The following P2RX3 variants were observed in gnomAD, a reference collection of about 807,000 sequenced individuals.
P2RX3 encodes the protein P2X purinoceptor 3.
Under a neutral mutation model 51.5 loss-of-function variants are expected in P2RX3, and 41 were observed. The observed-to-expected ratio is 0.80, with a 90% CI of 0.62 to 1.03. The LOEUF (loss-of-function observed/expected upper bound fraction) is 1.03. Ranked by LOEUF, P2RX3 falls within the 50% of genes least tolerant of loss-of-function variation. P2RX3 has a pLI of 0.00. For missense variants in P2RX3, 459 were observed against 522.1 expected, an observed-to-expected ratio of 0.88 and a Z score of 1.18; for synonymous variants, 185 against 191.6, an observed-to-expected ratio of 0.97 and a Z score of 0.29.
intron 8 of P2RX3, among the ~76,000 whole-genome samples, chr11:57,364,188 C>T (rs189167914): frequency 3.9e-5 from 6 of 152,314 alleles, no homozygotes; most frequent in Admixed American, 3.9e-4. Flanking sequence ...CACCCCTGCC[C>T]ACTACCCATG....
In P2RX3 at chr11:57,351,949, A is replaced by G. The variant is rs540284428; in HGVS notation, c.842+1051A>G. 2.2e-4 allele frequency among the ~76,000 whole-genome samples: 34 copies of G among 152,332 alleles called. No individual in the cohort carries two copies. The South Asian group carries it at 6.2e-3, about 28-fold the overall frequency. The stretch of plus-strand genomic sequence containing the variant: ...TTTCCCCCAGTTTTTGAAGATCCTG[A>G]AGTTTCTGGCAGGGCCCTGTTTAAG... On this transcript the variant is annotated intron_variant, in intron 8 of 11. Coordinates refer to ENST00000263314, the MANE Select transcript of P2RX3 (RefSeq NM_002559.5).
intron 1 of P2RX3, among the ~76,000 whole-genome samples, chr11:57,345,395 A>C (rs1463943808): frequency 1.3e-5 from 2 of 152,288 alleles, no homozygotes; most frequent in African/African-American, 4.8e-5. Flanking sequence ...GGTTAACAAA[A>C]TGTAACAGAT....
intron 6 of P2RX3, 110 bp from the exon 7 acceptor site, chr11:57,349,647 G>C (rs1856506467): frequency 2.9e-6 from 4 of 1,369,526 alleles, no homozygotes; most frequent in Admixed American, 2.0e-5. Context: ...CCAGATGAAG[G>C]CTGAGGGCTC....
chr11:57,347,334 T>C, intron 3 of P2RX3, 81 bp from the exon 4 acceptor site: 2 of 1,508,274 alleles, frequency 1.3e-6, no homozygotes, highest in Non-Finnish European at 1.8e-6. Flanking sequence ...AGGCTGTTGG[T>C]TATGGGGAGG....
chr11:57,351,937 T>A (rs1347525684), intron 8 of P2RX3, among the ~76,000 whole-genome samples: 1 of 152,232 alleles, frequency 6.6e-6, no homozygotes, highest in African/African-American at 2.4e-5. Flanking sequence ...CCCCCAGTTT[T>A]TGAAGATCCT....
chr11:57,348,582 C>T (rs772681300), intron 5 of P2RX3, 45 bp from the exon 6 acceptor site: 2 of 1,518,912 alleles, frequency 1.3e-6, no homozygotes, highest in Admixed American at 1.7e-5. Flanking sequence ...CTTCATTTCC[C>T]CCTCTTCTTC....
rs74937945 is a variant in P2RX3 at position 57,339,360 on chromosome 11, G to A, written c.119+691G>A. On this transcript the variant is annotated intron_variant, in intron 1 of 11. Transcript: ENST00000263314. ...AAGGAGCTTTTCTGAACATAGTGCC[G>A]CTCCCTCCCCAGGAATCCAGAAATG... Among the ~76,000 whole-genome samples the A allele has an allele frequency of 1.1e-3, 162 of 152,150 alleles. 3 individuals are homozygous for A. In the East Asian group the frequency reaches 0.029, roughly 27 times the overall value.
In P2RX3 at chr11:57,348,234, G is replaced by A; in HGVS notation, c.456G>A (p.Trp152Ter). ...TCCGGACCTGTGAGATCCAGGGCTG[G>A]TGCCCCACGGAGGTGGACACAGTGG... ...SVLRTCEIQG[W>*]CPTEVDTVET... is the part of the protein sequence containing the mutation. The change falls in exon 5 of 12, where the codon TGG (tryptophan) becomes TGA (stop). Residue 152 changes from tryptophan to a stop codon, truncating the protein, a stop_gained. Transcript: ENST00000263314. LOFTEE classifies it high-confidence loss of function. The A allele has an allele frequency of 3.7e-6, 6 of 1,604,480 alleles. No individual in the cohort carries two copies. The highest frequency in any genetic ancestry group is 5.1e-6 in the Non-Finnish European group (6 of 1,175,934).
At chr11:57,355,334 C>CTTT (rs1201675322) in intron 8 of P2RX3, among the ~76,000 whole-genome samples, 96 of 117,286 alleles carry the variant, frequency 8.2e-4, no homozygotes, top group Non-Finnish European at 1.0e-3. Context: ...TATTTTATTT[C>CTTT]TTTTTTTTTT....
rs1856486419 is a variant in P2RX3 at position 57,348,627 on chromosome 11, G to C, written c.486G>C (p.Thr162=). 6.2e-7 allele frequency: 1 copy of C among 1,613,224 alleles called. No individual in the cohort carries two copies. Among genetic ancestry groups the C allele is most frequent in the Admixed American group, 1.7e-5 (1 of 59,984 alleles). Residue 162 remains threonine (T), a splice_region_variant and synonymous_variant, in exon 6 of 12, where the codon ACG becomes ACC. Transcript: ENST00000263314. The part of the protein sequence containing the change: ...WCPTEVDTVE[T]PIMMEAENFT... ...TAAGGCCTCCTGTGCTCACCCACAG[G>C]CCCATCATGATGGAAGCTGAGAACT...
At chr11:57,342,284 C>G (rs1185542468) in intron 1 of P2RX3, among the ~76,000 whole-genome samples, 11 of 151,678 alleles carry the variant, frequency 7.3e-5, no homozygotes. Context: ...CTCAGCCTCC[C>G]CGGTAGCTGG....
Position 57,349,844 on chromosome 11 carries a change from G to C in P2RX3, c.651G>C (p.Arg217=). Residue 217 remains arginine, a synonymous_variant, in exon 7 of 12, where the codon CGG becomes CGC. Coordinates refer to ENST00000263314, the MANE Select transcript of P2RX3 (RefSeq NM_002559.5). The part of the protein sequence containing the change: ...PDKDPFCPIL[R]VGDVVKFAGQ... ...AGGACCCTTTCTGCCCCATCTTGCGGGTAGGGGACGTGGTCAAGTTTGCGG... is the reference window on the plus strand; with the variant it reads ...AGGACCCTTTCTGCCCCATCTTGCGCGTAGGGGACGTGGTCAAGTTTGCGG... 1 of 1,614,250 alleles carries C rather than the reference G, an allele frequency of 6.2e-7. No homozygotes were observed.
At chr11:57,360,154 G>A (rs1354436157) in intron 8 of P2RX3, among the ~76,000 whole-genome samples, 1 of 152,224 alleles carries the variant, frequency 6.6e-6, no homozygotes, top group Non-Finnish European at 1.5e-5. Flanking sequence ...CTAGCCTAGT[G>A]CTTAGCAGGA....
chr11:57,351,420 CAAG>C (rs1231334925), intron 8 of P2RX3, among the ~76,000 whole-genome samples: 1 of 152,230 alleles, frequency 6.6e-6, no homozygotes, highest in Non-Finnish European at 1.5e-5. Flanking sequence ...CCTCTCCAAA[CAAG>C]AACTCAGACC....
intron 9 of P2RX3, 94 bp from the exon 10 acceptor site, chr11:57,368,278 C>A: frequency 4.2e-6 from 6 of 1,413,218 alleles, no homozygotes; most frequent in Non-Finnish European, 6.0e-6. Flanking sequence ...ATCTGCTGAT[C>A]CACCAAGAAC....
chr11:57,349,260 C>T (rs1341521789), intron 6 of P2RX3, among the ~76,000 whole-genome samples: 1 of 149,184 alleles, frequency 6.7e-6, no homozygotes, highest in Non-Finnish European at 1.5e-5. Flanking sequence ...CAGGAGTTTG[C>T]GACCAGCCTG....
chr11:57,346,837 G>A lies in P2RX3; in HGVS notation c.255+158G>A, dbSNP rs925743403. Among the ~76,000 whole-genome samples, 3 of 152,372 alleles carry A rather than the reference G, an allele frequency of 2.0e-5. No homozygotes were observed. The East Asian group carries it at 5.8e-4, about 29-fold the overall frequency. ...CCCCCAGCAGCTGAGAGCTGTGTGA[G>A]AGCTTGGGCCTGCGGTGCTGGGCAT... On this transcript the variant is annotated intron_variant, in intron 2 of 11. Coordinates refer to ENST00000263314, the MANE Select transcript of P2RX3 (RefSeq NM_002559.5).
Position 57,350,876 on chromosome 11 carries a change from G to A in P2RX3, c.820G>A (p.Val274Met), listed in dbSNP as rs369989085. The A allele has an allele frequency of 1.1e-5, 18 of 1,613,996 alleles. No individual in the cohort carries two copies. Among genetic ancestry groups the A allele is most frequent in the East Asian group, 2.2e-5 (1 of 44,896 alleles). ...CGACAGCGTTTCTGAGAAAAGCAGC[G>A]TGTCCCCAGGCTACAACTTCAGGTA... ...RLDSVSEKSS[V>M]SPGYNFRFAK... Residue 274 changes from valine (V) to methionine (M), a missense_variant, in exon 8 of 12, where the codon GTG becomes ATG. Physicochemically the swap from Val to Met is conservative, Grantham distance 21. Transcript: ENST00000263314.
At chr11:57,343,603 T>C (rs1856380794) in intron 1 of P2RX3, among the ~76,000 whole-genome samples, 1 of 152,224 alleles carries the variant, frequency 6.6e-6, no homozygotes, top group Non-Finnish European at 1.5e-5. Flanking sequence ...TAGTGAAAGA[T>C]TCGGCTTAGC....
Sources: allele counts gnomAD v4.1 joint callset (sites outside exome capture counted in the v4.1 genomes callset), GRCh38; gene constraint gnomAD v4.1.1; transcripts MANE v1.5; gene names NCBI Gene and HGNC (gene_info 2026-07-23, HGNC 2026-07-21).